Variants in MORN1 observed in about 807,000 individuals in gnomAD.
The protein encoded by MORN1 is MORN repeat-containing protein 1.
Under a neutral mutation model 61.9 loss-of-function variants are expected in MORN1, and 67 were observed. That is an observed-to-expected ratio of 1.08 (90% CI 0.89 to 1.33). The LOEUF (loss-of-function observed/expected upper bound fraction) is 1.33, where lower values mean the gene tolerates loss of function less well. Ranked by LOEUF, MORN1 falls within the 40% of genes most tolerant of loss-of-function variation. MORN1 has a pLI of 0.00. For missense variants in MORN1, 752 were observed against 691.2 expected, an observed-to-expected ratio of 1.09 and a Z score of -0.99; for synonymous variants, 301 against 292.0, an observed-to-expected ratio of 1.03 and a Z score of -0.31.
intron 10 of MORN1, among the ~76,000 whole-genome samples, chr1:2,339,882 A>C (rs150139068): frequency 2.0e-5 from 3 of 152,352 alleles, no homozygotes; most frequent in African/African-American, 7.2e-5. Context: ...GGCCCAGCCA[A>C]AGTGTCCTGC....
At position 2,374,550 on chromosome 1, in the gene MORN1, C is replaced by A; in HGVS notation, c.545G>T (p.Trp182Leu). ...CADGSTYKGQ[W>L]HSDVFSGLGS... ...CAGTCCACTGAAGACGTCGCTGTGC[C>A]ACTGTCCCTGCAGAGAGAAGGGTGA... The change falls in exon 7 of 14, where the codon TGG (tryptophan) becomes TTG (leucine). Residue 182 changes from tryptophan (W) to leucine (L), a missense_variant. Trp to Leu is a moderately conservative substitution (Grantham distance 61). Coordinates refer to ENST00000378531, the MANE Select transcript of MORN1 (RefSeq NM_024848.3). 1 of 1,590,196 alleles carries A rather than the reference C, an allele frequency of 6.3e-7. No homozygotes were observed. Among genetic ancestry groups the A allele is most frequent in the Admixed American group, 1.8e-5 (1 of 55,690 alleles).
intron 7 of MORN1, among the ~76,000 whole-genome samples, chr1:2,373,954 C>T (rs554826016): frequency 2.0e-5 from 3 of 152,240 alleles, no homozygotes; most frequent in Admixed American, 6.5e-5. Context: ...GCACCTGTGT[C>T]GTGAACTTGG....
chr1:2,380,911 G>A (rs369348646), intron 6 of MORN1, among the ~76,000 whole-genome samples: 15 of 152,162 alleles, frequency 9.9e-5, no homozygotes, highest in Non-Finnish European at 1.9e-4. Flanking sequence ...CACAAGCAAC[G>A]GCTGTCCCCT....
At position 2,385,020 on chromosome 1, in the gene MORN1, C is replaced by G. The variant is rs1244383284; in HGVS notation, c.495G>C (p.Gln165His). The change falls in exon 6 of 14, where the codon CAG (glutamine) becomes CAC (histidine). Residue 165 changes from glutamine to histidine, a missense_variant. Coordinates refer to ENST00000378531, the MANE Select transcript of MORN1 (RefSeq NM_024848.3). ...CGGCGCAGCGCAGCACCCCGTGTCC[C>G]TGACGCCGGTCCCGGACCCAGTCGC... ...YDGDWVRDRRQGHGVLRCADG... is the reference protein window; with the variant it reads ...YDGDWVRDRRHGHGVLRCADG... 1 of 1,599,082 alleles carries G rather than the reference C, an allele frequency of 6.3e-7. No homozygotes were observed. Among genetic ancestry groups the G allele is most frequent in the Non-Finnish European group, 8.5e-7 (1 of 1,174,474 alleles).
intron 12 of MORN1, among the ~76,000 whole-genome samples, chr1:2,328,169 G>A (rs953803472): frequency 3.3e-5 from 5 of 152,264 alleles, no homozygotes; most frequent in Admixed American, 1.3e-4. Flanking sequence ...TCCATGACGC[G>A]GACACGTTCC....
At chr1:2,381,519 C>T (rs574308715) in intron 6 of MORN1, among the ~76,000 whole-genome samples, 5 of 152,240 alleles carry the variant, frequency 3.3e-5, no homozygotes, top group South Asian at 2.1e-4. Flanking sequence ...GGAGGGTGTG[C>T]GGGCCTCGGT....
intron 10 of MORN1, among the ~76,000 whole-genome samples, chr1:2,355,720 G>C (rs1425775789): frequency 6.6e-6 from 1 of 152,214 alleles, no homozygotes; most frequent in African/African-American, 2.4e-5. Context: ...CAGTGACCAG[G>C]AGGGTCACAG....
At chr1:2,363,805 C>CAAACAACAACAAA (rs140866260) in intron 8 of MORN1, among the ~76,000 whole-genome samples, 1 of 124,856 alleles carries the variant, frequency 8.0e-6, no homozygotes, top group African/African-American at 3.2e-5. Context: ...AACAAACAAA[C>CAAACAACAACAAA]AAAAAAATAT....
intron 3 of MORN1, 46 bp from the exon 4 acceptor site, chr1:2,387,575 G>A: frequency 7.0e-7 from 1 of 1,429,304 alleles, no homozygotes. Context: ...TCAGTTCAGG[G>A]CTGCGGCCCC....
chr1:2,330,762 C>G (rs1355656780), intron 12 of MORN1, among the ~76,000 whole-genome samples: 1 of 152,172 alleles, frequency 6.6e-6, no homozygotes. Context: ...CTGAGGGACC[C>G]CGTCCCGGGC....
At chr1:2,385,260 G>A (rs1373706381) in intron 5 of MORN1, 195 bp from the exon 6 acceptor site, 7 of 599,792 alleles carry the variant, frequency 1.2e-5, no homozygotes, top group East Asian at 8.4e-5. Context: ...GGACACGTCC[G>A]CCCACCCCCA....
chr1:2,358,499 AG>A, intron 9 of MORN1, 92 bp downstream of exon 9: 1 of 1,513,594 alleles, frequency 6.6e-7, no homozygotes, highest in Non-Finnish European at 9.1e-7. Context: ...GACTTAGCCC[AG>A]GTCTCTAGGG....
chr1:2,332,596 C>G (rs1215872064), intron 12 of MORN1: 2 of 456,380 alleles, frequency 4.4e-6, no homozygotes, highest in Non-Finnish European at 8.8e-6. Flanking sequence ...CGGCACAGGC[C>G]CAGGTTGGGG....
chr1:2,348,633 A>G (rs1012656955), intron 10 of MORN1, among the ~76,000 whole-genome samples: 1 of 150,068 alleles, frequency 6.7e-6, no homozygotes, highest in East Asian at 2.0e-4. Context: ...GCACGCACAC[A>G]CGCACCTGCG....
intron 12 of MORN1, among the ~76,000 whole-genome samples, chr1:2,329,804 G>C: frequency 6.6e-6 from 1 of 152,260 alleles, no homozygotes; most frequent in Non-Finnish European, 1.5e-5. Flanking sequence ...CACTGGGCTG[G>C]GCCCCGTGCA....
Position 2,385,078 on chromosome 1 carries a change from C to T in MORN1, c.450-13G>A, listed in dbSNP as rs58981764. 5.6e-3 allele frequency: 8,889 copies of T among 1,577,444 alleles called. 397 individuals are homozygous for T. The African/African-American group carries it at 0.097, about 17-fold the overall frequency. ...CTTGTCACCGTTCCTGGGGGACACA[C>T]GCACGGAGTCCACTCTCAACAGGGG... On this transcript the variant is annotated splice_polypyrimidine_tract_variant and intron_variant, in intron 5 of 13. Coordinates refer to ENST00000378531, the MANE Select transcript of MORN1 (RefSeq NM_024848.3).
intron 5 of MORN1, 45 bp downstream of exon 5, chr1:2,385,762 T>G: frequency 6.4e-7 from 1 of 1,563,054 alleles, no homozygotes; most frequent in Non-Finnish European, 8.8e-7. Context: ...ACCTGCCCTG[T>G]GTATCTGTCA....
intron 5 of MORN1, 120 bp from the exon 6 acceptor site, chr1:2,385,185 C>T (rs1019063844): frequency 1.5e-4 from 148 of 1,007,416 alleles, no homozygotes; most frequent in Non-Finnish European, 2.0e-4. Context: ...AAAATAGGCC[C>T]GAGCAGATGG....
rs1642608739 is a variant in MORN1 at position 2,390,063 on chromosome 1, AAGG to A, written c.77-70_77-68del. ...AGATGAGGGATGCTCTCCAGTGCTG[AAGG>A]AGGGAGTGCAGCTCCCTTGAGGGCC... On this transcript the variant is annotated intron_variant, in intron 1 of 13. Transcript: ENST00000378531. 34 of 1,458,824 alleles carry A rather than the reference AAGG, an allele frequency of 2.3e-5. No homozygotes were observed. In the Admixed American group the frequency reaches 5.7e-4, roughly 24 times the overall value. 90.4% of individuals were successfully genotyped at this position (1,458,824 alleles called of 1,614,324 possible).
Sources: gnomAD v4.1 joint callset for allele counts (sites outside exome capture counted in the v4.1 genomes callset) on GRCh38, gnomAD v4.1.1 for gene constraint, MANE v1.5 for transcripts, NCBI Gene and HGNC (gene_info 2026-07-23, HGNC 2026-07-21) for gene names.